C12orf56: variants seen among roughly 807,000 people sequenced by gnomAD.
The protein encoded by C12orf56 is uncharacterized protein C12orf56.
A neutral mutation model predicts 69.9 loss-of-function variants in C12orf56; 71 were observed. That is an observed-to-expected ratio of 1.02 (90% CI 0.84 to 1.24). The LOEUF (loss-of-function observed/expected upper bound fraction) is 1.24. Among genes scored for constraint, C12orf56 ranks in the 50% most tolerant of loss-of-function variants. The probability of loss-of-function intolerance (pLI) is 0.00; values close to 1 mark genes in which losing one functional copy is unlikely to be tolerated. For missense variants in C12orf56, 732 were observed against 738.5 expected (o/e 0.99, Z 0.10); for synonymous variants, 276 against 274.1 (o/e 1.01, Z -0.07).
intron 1 of C12orf56, among the ~76,000 whole-genome samples, chr12:64,365,662 G>A (rs921353928): frequency 1.4e-5 from 2 of 146,522 alleles, no homozygotes; most frequent in African/African-American, 5.0e-5. Context: ...CACTTTGGGA[G>A]GCTCAGGTAT....
chr12:64,359,470 T>C (rs1370530868), intron 1 of C12orf56, among the ~76,000 whole-genome samples: 7 of 152,104 alleles, frequency 4.6e-5, no homozygotes, highest in Admixed American at 4.6e-4. Flanking sequence ...CCTTTATACT[T>C]TTAAAAATTA....
At chr12:64,337,365 C>T (rs778174461) in intron 2 of C12orf56, among the ~76,000 whole-genome samples, 1 of 152,208 alleles carries the variant, frequency 6.6e-6, no homozygotes, top group Non-Finnish European at 1.5e-5. Context: ...ACTGCCCTAA[C>T]TTCAGATGCC....
At chr12:64,284,866 A>T in intron 7 of C12orf56, 113 bp from the exon 8 acceptor site, 1 of 712,850 alleles carries the variant, frequency 1.4e-6, no homozygotes, top group Non-Finnish European at 2.3e-6. Flanking sequence ...ATACAGAAAA[A>T]AGTACAGGAA....
chr12:64,275,502 C>T, intron 9 of C12orf56, 130 bp from the exon 10 acceptor site: 1 of 460,470 alleles, frequency 2.2e-6, no homozygotes, highest in Non-Finnish European at 3.9e-6. Flanking sequence ...CATGCTGCCA[C>T]CCAGGTGGGA....
intron 1 of C12orf56, among the ~76,000 whole-genome samples, chr12:64,375,151 A>G (rs1189124993): frequency 6.6e-6 from 1 of 151,868 alleles, no homozygotes; most frequent in Non-Finnish European, 1.5e-5. Flanking sequence ...TCCGCCTCCC[A>G]GGTTCAAGCA....
chr12:64,390,713 G>A lies in C12orf56; in HGVS notation c.-148C>T, dbSNP rs2039859123. ...CGCGGGGACCCGGGCCGCAACTGCA[G>A]GAATCGACGCTAGGTCGGCTTCCCT... On this transcript the variant is annotated 5_prime_UTR_variant, in exon 1 of 13. Coordinates refer to ENST00000543942, the MANE Select transcript of C12orf56 (RefSeq NM_001170633.2). The A allele has an allele frequency of 8.5e-7, 1 of 1,172,694 alleles. No individual in the cohort carries two copies. The highest frequency in any genetic ancestry group is 1.1e-6 in the Non-Finnish European group (1 of 893,708). The allele number at this position is 1,172,694 out of a possible 1,614,324, so 72.6% of individuals were successfully genotyped here.
chr12:64,307,625 TC>T (rs998576246), intron 5 of C12orf56, among the ~76,000 whole-genome samples: 48 of 152,008 alleles, frequency 3.2e-4, no homozygotes, highest in African/African-American at 1.2e-3. Flanking sequence ...CGCCTCAGCC[TC>T]CCAAAGTGCT....
chr12:64,313,766 C>G (rs967160228), intron 4 of C12orf56, among the ~76,000 whole-genome samples: 1 of 151,282 alleles, frequency 6.6e-6, no homozygotes, highest in African/African-American at 2.4e-5. Flanking sequence ...GATTTACAGC[C>G]CGGCCCAGTG....
intron 6 of C12orf56, among the ~76,000 whole-genome samples, chr12:64,303,049 G>A (rs1354883007): frequency 1.3e-5 from 2 of 151,998 alleles, no homozygotes; most frequent in African/African-American, 4.8e-5. Context: ...AAGACGGGTG[G>A]ATCACCTGAG....
chr12:64,283,120 C>T (rs56160145), intron 8 of C12orf56, among the ~76,000 whole-genome samples: 33,576 of 148,898 alleles, frequency 0.23, 4,036 homozygotes, highest in East Asian at 0.5. Flanking sequence ...CCAGCCTGGA[C>T]AACAAGAGTG....
At chr12:64,388,654 A>C (rs1565786972) in intron 1 of C12orf56, among the ~76,000 whole-genome samples, 1 of 152,174 alleles carries the variant, frequency 6.6e-6, no homozygotes, top group Non-Finnish European at 1.5e-5. Flanking sequence ...CAGGAGTTTG[A>C]GACTAGCTTG....
At chr12:64,337,202 G>A (rs2039008414) in intron 2 of C12orf56, among the ~76,000 whole-genome samples, 1 of 151,996 alleles carries the variant, frequency 6.6e-6, no homozygotes, top group Non-Finnish European at 1.5e-5. Context: ...ACTCACTTCA[G>A]ACACCAAGTG....
chr12:64,326,822 A>T lies in C12orf56; in HGVS notation c.488+4138T>A, dbSNP rs755185895. 4.6e-5 allele frequency among the ~76,000 whole-genome samples: 7 copies of T among 152,154 alleles called. No homozygotes were observed. The East Asian group carries it at 1.2e-3, about 25-fold the overall frequency. The stretch of plus-strand genomic sequence containing the variant: ...CATAAAATTTAGAGGAAGAACAAGG[A>T]TACTTGCTAGGTGGTATGGTTTGAA... On this transcript the variant is annotated intron_variant, in intron 3 of 12. Transcript: ENST00000543942.
intron 5 of C12orf56, among the ~76,000 whole-genome samples, chr12:64,309,219 C>T (rs2038574272): frequency 6.6e-6 from 1 of 152,106 alleles, no homozygotes; most frequent in African/African-American, 2.4e-5. Context: ...CAAGTATCAC[C>T]ACTATCCATT....
In C12orf56 at chr12:64,309,762, C is replaced by T. The variant is rs762109668; in HGVS notation, c.968+2917G>A. Among the ~76,000 whole-genome samples the T allele has an allele frequency of 7.4e-4, 112 of 152,270 alleles. 1 individual carries two copies. The highest frequency in any genetic ancestry group is 1.8e-3 in the African/African-American group (76 of 41,556). On this transcript the variant is annotated intron_variant, in intron 5 of 12. Transcript: ENST00000543942. ...CTGGCCTCAAGTGATCCTCCCTCCTCGGCCTCCCAAAGTGCTGGGATTATA... is the reference window on the plus strand; with the variant it reads ...CTGGCCTCAAGTGATCCTCCCTCCTTGGCCTCCCAAAGTGCTGGGATTATA...
chr12:64,390,728 T>C lies in C12orf56; in HGVS notation c.-163A>G. On this transcript the variant is annotated 5_prime_UTR_variant, in exon 1 of 13. Transcript: ENST00000543942. ...CGCAACTGCAGGAATCGACGCTAGG[T>C]CGGCTTCCCTGGAGCGCCCTCCCCA... 9.5e-7 allele frequency: 1 copy of C among 1,054,058 alleles called. No homozygotes were observed. The highest frequency in any genetic ancestry group is 1.3e-6 in the Non-Finnish European group (1 of 787,136). The allele number at this position is 1,054,058 out of a possible 1,614,324, so 65.3% of individuals were successfully genotyped here. A position where few individuals can be genotyped will look rare whatever the true frequency, so the allele number is the denominator to read the frequency against.
chr12:64,373,235 A>G (rs943515212), intron 1 of C12orf56, among the ~76,000 whole-genome samples: 1 of 152,084 alleles, frequency 6.6e-6, no homozygotes, highest in Non-Finnish European at 1.5e-5. Context: ...CAAGCAGATT[A>G]CTCGAGCTCA....
At position 64,368,705 on chromosome 12, in the gene C12orf56, T is replaced by G. The variant is rs553306738; in HGVS notation, c.253-15649A>C. ...ATTATTAAGTACATCATCGCCAAACTGGCTAATCACAGTAGACATCTTGAC... is the reference window on the plus strand; with the variant it reads ...ATTATTAAGTACATCATCGCCAAACGGGCTAATCACAGTAGACATCTTGAC... On this transcript the variant is annotated intron_variant, in intron 1 of 12. Transcript: ENST00000543942. Among the ~76,000 whole-genome samples the G allele has an allele frequency of 1.1e-4, 17 of 152,282 alleles. No individual in the cohort carries two copies. In the South Asian group the frequency reaches 1.9e-3, roughly 17 times the overall value.
intron 8 of C12orf56, among the ~76,000 whole-genome samples, chr12:64,280,416 A>G (rs2038106672): frequency 6.6e-6 from 1 of 152,224 alleles, no homozygotes; most frequent in South Asian, 2.1e-4. Context: ...TTTGAAGGCC[A>G]CATCGATAGT....
Sources: allele counts gnomAD v4.1 joint callset (sites outside exome capture counted in the v4.1 genomes callset), GRCh38; gene constraint gnomAD v4.1.1; transcripts MANE v1.5; gene names NCBI Gene and HGNC (gene_info 2026-07-23, HGNC 2026-07-21).